DPP10: variants seen among roughly 807,000 people sequenced by gnomAD.
The protein encoded by DPP10 is inactive dipeptidyl peptidase 10.
DPP10 carries 33 observed loss-of-function variants against 120.9 expected under a neutral mutation model. The ratio of observed to expected loss-of-function variants is 0.27; its 90% CI spans 0.21 to 0.37. The LOEUF is 0.37. Ranked by LOEUF, DPP10 falls within the 10% of genes least tolerant of loss-of-function variation. The pLI, the probability that DPP10 is intolerant of heterozygous loss-of-function variation, is 1.00. For missense variants in DPP10, 816 were observed against 942.8 expected, an observed-to-expected ratio of 0.87 and a Z score of 1.76; for synonymous variants, 337 against 326.1, an observed-to-expected ratio of 1.03 and a Z score of -0.36.
intron 1 of DPP10, among the ~76,000 whole-genome samples, chr2:115,089,574 C>A (rs189579929): frequency 3.9e-5 from 6 of 152,294 alleles, no homozygotes; most frequent in Non-Finnish European, 1.5e-5. Flanking sequence ...AGCCACCAAT[C>A]ATTTTTTCCC....
chr2:115,551,322 C>T (rs2079858357), intron 5 of DPP10, among the ~76,000 whole-genome samples: 2 of 152,034 alleles, frequency 1.3e-5, no homozygotes, highest in Non-Finnish European at 2.9e-5. Context: ...ACAAATTGCT[C>T]TTGTGGGCTT....
intron 1 of DPP10, among the ~76,000 whole-genome samples, chr2:115,298,721 C>T (rs1022404046): frequency 2.0e-5 from 3 of 152,038 alleles, no homozygotes; most frequent in Non-Finnish European, 4.4e-5. Flanking sequence ...GCTGTTAGGA[C>T]TTCCCTGGCC....
chr2:115,161,602 A>C, intron 1 of DPP10: 2 of 181,960 alleles, frequency 1.1e-5, no homozygotes, highest in Non-Finnish European at 2.3e-5. Flanking sequence ...GGACTGCGGG[A>C]AGAAGGCACG....
chr2:115,605,018 G>A (rs908455256), intron 5 of DPP10, among the ~76,000 whole-genome samples: 1 of 152,044 alleles, frequency 6.6e-6, no homozygotes, highest in African/African-American at 2.4e-5. Context: ...TTTGATAGAG[G>A]GTTTCATGAT....
chr2:114,693,478 T>C (rs149410097), intron 1 of DPP10, among the ~76,000 whole-genome samples: 2,755 of 152,076 alleles, frequency 0.018, 85 homozygotes, highest in African/African-American at 0.063. Flanking sequence ...CCTTTGTAGG[T>C]GATCTGGACT....
At chr2:114,562,720 A>G (rs935013138) in intron 1 of DPP10, among the ~76,000 whole-genome samples, 27 of 152,228 alleles carry the variant, frequency 1.8e-4, no homozygotes. Flanking sequence ...AAAGAAGAAG[A>G]TGAATTAAGT....
intron 7 of DPP10, among the ~76,000 whole-genome samples, chr2:115,716,684 A>T (rs1162293505): frequency 2.6e-5 from 4 of 151,794 alleles, no homozygotes; most frequent in African/African-American, 9.7e-5. Flanking sequence ...GAATATAGTA[A>T]AAAAAAAGTT....
At chr2:114,890,019 T>C (rs1692408751) in intron 1 of DPP10, among the ~76,000 whole-genome samples, 1 of 152,224 alleles carries the variant, frequency 6.6e-6, no homozygotes, top group Non-Finnish European at 1.5e-5. Context: ...TAGCAGTTGC[T>C]CTGATTTTAG....
At chr2:115,544,299 T>C (rs1483417692) in intron 5 of DPP10, among the ~76,000 whole-genome samples, 1 of 152,102 alleles carries the variant, frequency 6.6e-6, no homozygotes, top group East Asian at 1.9e-4. Flanking sequence ...TTTCTTGTTT[T>C]TACATATAAA....
At chr2:114,526,330 G>C (rs1685494547) in intron 1 of DPP10, among the ~76,000 whole-genome samples, 1 of 152,074 alleles carries the variant, frequency 6.6e-6, no homozygotes, top group Non-Finnish European at 1.5e-5. Flanking sequence ...TGACGATTGG[G>C]GGATAAATTG....
At chr2:115,662,692 A>G (rs888995053) in intron 5 of DPP10, among the ~76,000 whole-genome samples, 9 of 152,324 alleles carry the variant, frequency 5.9e-5, no homozygotes, top group Middle Eastern at 6.8e-3. Context: ...GTAGAAATGT[A>G]AATTGTTACA....
chr2:115,732,868 T>C (rs1271678814), intron 8 of DPP10, among the ~76,000 whole-genome samples: 1 of 152,200 alleles, frequency 6.6e-6, no homozygotes, highest in African/African-American at 2.4e-5. Flanking sequence ...AGGCATTATC[T>C]AAGAGCAATA....
intron 1 of DPP10, among the ~76,000 whole-genome samples, chr2:115,028,141 T>C (rs1275841656): frequency 6.6e-6 from 1 of 152,044 alleles, no homozygotes; most frequent in Non-Finnish European, 1.5e-5. Context: ...ATGTACTAAT[T>C]TAGGTTTTGG....
In DPP10 at chr2:115,585,043, T is replaced by C. The variant is rs539639578; in HGVS notation, c.441+59071T>C. On this transcript the variant is annotated intron_variant, in intron 5 of 25. Coordinates refer to ENST00000410059, the MANE Select transcript of DPP10 (RefSeq NM_020868.6). ...GCCATAATTATACCAAAAATACATA[T>C]GCTGGCGAAGTTATAGTAGCAATAA... 2.3e-3 allele frequency among the ~76,000 whole-genome samples: 357 copies of C among 152,334 alleles called. 6 individuals are homozygous for C. The highest frequency in any genetic ancestry group is 0.014 in the Middle Eastern group (4 of 294).
At chr2:115,344,520 T>A (rs942104421) in intron 3 of DPP10, among the ~76,000 whole-genome samples, 2 of 152,184 alleles carry the variant, frequency 1.3e-5, no homozygotes, top group Admixed American at 6.5e-5. Flanking sequence ...CTAGTGAGAC[T>A]CTATGCAAAA....
chr2:115,014,677 G>A (rs1702505486), intron 1 of DPP10, among the ~76,000 whole-genome samples: 1 of 152,046 alleles, frequency 6.6e-6, no homozygotes. Flanking sequence ...TGATCCCAAA[G>A]AAATACAAAC....
intron 3 of DPP10, among the ~76,000 whole-genome samples, chr2:115,454,213 C>G (rs992195501): frequency 2.6e-5 from 4 of 151,448 alleles, no homozygotes; most frequent in African/African-American, 9.7e-5. Flanking sequence ...TATTAATAGG[C>G]TAGTGTAATC....
intron 1 of DPP10, among the ~76,000 whole-genome samples, chr2:114,736,379 T>C (rs901180539): frequency 1.3e-5 from 2 of 152,154 alleles, no homozygotes; most frequent in Non-Finnish European, 2.9e-5. Flanking sequence ...TCCTCGCTTA[T>C]TGTTATTTCT....
chr2:115,358,944 C>A (rs2064589981), intron 3 of DPP10, among the ~76,000 whole-genome samples: 1 of 152,094 alleles, frequency 6.6e-6, no homozygotes, highest in African/African-American at 2.4e-5. Context: ...CCCCATGATT[C>A]AATTACCTCC....
Sources: gnomAD v4.1 joint callset for allele counts (sites outside exome capture counted in the v4.1 genomes callset) on GRCh38, gnomAD v4.1.1 for gene constraint, MANE v1.5 for transcripts, NCBI Gene and HGNC (gene_info 2026-07-23, HGNC 2026-07-21) for gene names.